The following COL4A2 variants were observed in gnomAD, a reference collection of about 807,000 sequenced individuals.
COL4A2 encodes the protein collagen type IV alpha 2 chain.
COL4A2 carries 99 observed loss-of-function variants against 200.2 expected under a neutral mutation model. The observed-to-expected ratio is 0.49, with a 90% CI of 0.42 to 0.58. COL4A2 has a LOEUF of 0.58. Ranked by LOEUF, COL4A2 falls within the 20% of genes least tolerant of loss-of-function variation. The pLI, the probability that COL4A2 is intolerant of heterozygous loss-of-function variation, is 0.00. For synonymous variants in COL4A2, 897 were observed against 900.6 expected (o/e 1.00, Z 0.07); for missense variants, 1,950 against 2,314.1 (o/e 0.84, Z 3.23).
At chr13:110,392,371 G>A (rs1472467610) in intron 4 of COL4A2, among the ~76,000 whole-genome samples, 2 of 152,206 alleles carry the variant, frequency 1.3e-5, no homozygotes, top group Non-Finnish European at 2.9e-5. Context: ...TCTCCAAGAT[G>A]CAGGGAGAAA....
At chr13:110,311,975 G>C (rs7983561) in intron 3 of COL4A2, among the ~76,000 whole-genome samples, 1 of 152,184 alleles carries the variant, frequency 6.6e-6, no homozygotes, top group Admixed American at 6.5e-5. Flanking sequence ...AGCTGCGGTG[G>C]CAAGTCCTTT....
intron 38 of COL4A2, among the ~76,000 whole-genome samples, chr13:110,492,412 A>G (rs1883315148): frequency 6.6e-6 from 1 of 152,184 alleles, no homozygotes; most frequent in South Asian, 2.1e-4. Context: ...TTCACCTCCC[A>G]GAAGGATGAA....
chr13:110,406,452 A>C (rs942833645), intron 4 of COL4A2, among the ~76,000 whole-genome samples: 2 of 152,228 alleles, frequency 1.3e-5, no homozygotes. Context: ...AAGACCCTGC[A>C]TGCAATTCTA....
intron 3 of COL4A2, among the ~76,000 whole-genome samples, chr13:110,332,168 G>C (rs909008045): frequency 6.6e-6 from 1 of 151,846 alleles, no homozygotes; most frequent in African/African-American, 2.4e-5. Context: ...TTATTATACT[G>C]TCTAGAATAT....
rs138428757 is a variant in COL4A2 at position 110,329,593 on chromosome 13, C to G, written c.99+21470C>G. Among the ~76,000 whole-genome samples, 4 of 152,316 alleles carry G rather than the reference C, an allele frequency of 2.6e-5. No individual in the cohort carries two copies. The South Asian group carries it at 8.3e-4, about 32-fold the overall frequency. On this transcript the variant is annotated intron_variant, in intron 3 of 47. Coordinates refer to ENST00000360467, the MANE Select transcript of COL4A2 (RefSeq NM_001846.4). ...TGGAAATAGAGGGCACAGGTGCAGT[C>G]ATACCAAATACAGACAAAGGAAAAA...
At chr13:110,427,021 A>G (rs948579275) in intron 6 of COL4A2, among the ~76,000 whole-genome samples, 17 of 152,214 alleles carry the variant, frequency 1.1e-4, no homozygotes, top group African/African-American at 4.1e-4. Context: ...AGTTCAACCA[A>G]TGGCTGTGGA....
intron 4 of COL4A2, among the ~76,000 whole-genome samples, chr13:110,402,905 G>T (rs71440058): frequency 6.6e-6 from 1 of 152,200 alleles, no homozygotes; most frequent in Admixed American, 6.5e-5. Context: ...AGGTCACGAA[G>T]GCTTCCTGCT....
intron 3 of COL4A2, among the ~76,000 whole-genome samples, chr13:110,346,009 G>A (rs1347554398): frequency 1.3e-5 from 2 of 152,130 alleles, no homozygotes; most frequent in East Asian, 1.9e-4. Flanking sequence ...ACCCAGCTCC[G>A]GGGCGCTGCT....
At chr13:110,311,044 C>G (rs1174801007) in intron 3 of COL4A2, among the ~76,000 whole-genome samples, 1 of 152,214 alleles carries the variant, frequency 6.6e-6, no homozygotes, top group East Asian at 1.9e-4. Flanking sequence ...GTCTTTGAGT[C>G]TCCTGGGGTG....
chr13:110,330,378 G>T (rs765400477), intron 3 of COL4A2, among the ~76,000 whole-genome samples: 1 of 152,050 alleles, frequency 6.6e-6, no homozygotes, highest in Non-Finnish European at 1.5e-5. Context: ...TGGCGAGTCG[G>T]AATGAAGCTG....
intron 40 of COL4A2, among the ~76,000 whole-genome samples, chr13:110,496,511 G>A (rs114171845): frequency 0.023 from 3,490 of 152,342 alleles, 140 homozygotes; most frequent in African/African-American, 0.078. Flanking sequence ...TAGTCAGGGT[G>A]AGGATCCAGG....
chr13:110,385,548 G>GTGCGTGGATAGACCGTGGTTA (rs1566505097), intron 4 of COL4A2, among the ~76,000 whole-genome samples: 9 of 13,426 alleles, frequency 6.7e-4, no homozygotes, highest in Non-Finnish European at 1.2e-3. Context: ...GGCCGTGGTT[G>GTGCGTGGATAGACCGTGGTTA]CAGTGTGTGG....
Position 110,314,401 on chromosome 13 carries a change from C to T in COL4A2, c.99+6278C>T, listed in dbSNP as rs1885078436. 2.0e-5 allele frequency among the ~76,000 whole-genome samples: 3 copies of T among 152,220 alleles called. No homozygotes were observed. In the South Asian group the frequency reaches 6.2e-4, roughly 32 times the overall value. ...TGTGGGCAGCAAGAGGGAAATGTTG[C>T]TCCCATTCTTTTCTCTCATAGAGTA... On this transcript the variant is annotated intron_variant, in intron 3 of 47. Coordinates refer to ENST00000360467, the MANE Select transcript of COL4A2 (RefSeq NM_001846.4).
At chr13:110,358,528 C>T (rs556949068) in intron 4 of COL4A2, among the ~76,000 whole-genome samples, 1 of 152,350 alleles carries the variant, frequency 6.6e-6, no homozygotes, top group East Asian at 1.9e-4. Context: ...TTGCTTGTCA[C>T]CAAGTGTCAT....
Position 110,505,708 on chromosome 13 carries a change from G to A in COL4A2, c.4403-707G>A, listed in dbSNP as rs532474753. On this transcript the variant is annotated intron_variant, in intron 45 of 47. Coordinates refer to ENST00000360467, the MANE Select transcript of COL4A2 (RefSeq NM_001846.4). ...GGGTAGGAGTTACAGGAGGCTGCAC[G>A]CAGAAAGAACATTCTAACCCAGGCT... 2.0e-5 allele frequency among the ~76,000 whole-genome samples: 3 copies of A among 152,294 alleles called. No homozygotes were observed. In the East Asian group the frequency reaches 5.8e-4, roughly 29 times the overall value.
At chr13:110,339,909 G>A (rs1218846433) in intron 3 of COL4A2, among the ~76,000 whole-genome samples, 1 of 152,230 alleles carries the variant, frequency 6.6e-6, no homozygotes, top group Non-Finnish European at 1.5e-5. Context: ...AACTCATAAT[G>A]TATCCTGTAA....
chr13:110,506,277 TCTCG>T, intron 45 of COL4A2, 134 bp from the exon 46 acceptor site: 1 of 880,776 alleles, frequency 1.1e-6, no homozygotes, highest in Non-Finnish European at 1.7e-6. Context: ...TCTCTCTCTC[TCTCG>T]GGCTGCAGGT....
At chr13:110,476,728 G>A (rs1029742708) in intron 29 of COL4A2, among the ~76,000 whole-genome samples, 21 of 152,328 alleles carry the variant, frequency 1.4e-4, no homozygotes, top group Admixed American at 2.6e-4. Context: ...TCAGGCTCAC[G>A]AAGAGAGGGG....
chr13:110,394,159 A>G lies in COL4A2; in HGVS notation c.181-30575A>G, dbSNP rs1266149048. On this transcript the variant is annotated intron_variant, in intron 4 of 47. Transcript: ENST00000360467. ...GGTTAAGGATCTTTTAACTCCCTTGATAATTTGGCAAATAGGTATTTTATA... is the reference window on the plus strand; with the variant it reads ...GGTTAAGGATCTTTTAACTCCCTTGGTAATTTGGCAAATAGGTATTTTATA... 3.3e-5 allele frequency among the ~76,000 whole-genome samples: 5 copies of G among 152,208 alleles called. No individual in the cohort carries two copies. In the South Asian group the frequency reaches 1.0e-3, roughly 32 times the overall value.
Sources: gnomAD v4.1 joint callset for allele counts (sites outside exome capture counted in the v4.1 genomes callset) on GRCh38, gnomAD v4.1.1 for gene constraint, MANE v1.5 for transcripts, NCBI Gene and HGNC (gene_info 2026-07-23, HGNC 2026-07-21) for gene names.